VPS13B: variants seen among roughly 807,000 people sequenced by gnomAD.
VPS13B encodes intermembrane lipid transfer protein VPS13B.
Under a neutral mutation model 426.4 loss-of-function variants are expected in VPS13B, and 285 were observed. The ratio of observed to expected loss-of-function variants is 0.67; its 90% confidence interval spans 0.61 to 0.74. The LOEUF is 0.74. Among genes scored for constraint, VPS13B ranks in the 30% least tolerant of loss-of-function variants. The pLI is 0.00. For synonymous variants in VPS13B, 1,676 were observed against 1,676.4 expected, an observed-to-expected ratio of 1.00 and a Z score of 0.01; for missense variants, 4,537 against 4,782.6, an observed-to-expected ratio of 0.95 and a Z score of 1.51.
intron 24 of VPS13B, among the ~76,000 whole-genome samples, chr8:99,472,406 T>C (rs746613978): frequency 2.6e-5 from 4 of 151,764 alleles, no homozygotes; most frequent in African/African-American, 4.8e-5. Context: ...AATAATAAAA[T>C]AGCTAGAAAA....
intron 19 of VPS13B, among the ~76,000 whole-genome samples, chr8:99,352,413 T>C (rs1811939524): frequency 6.6e-6 from 1 of 152,194 alleles, no homozygotes; most frequent in African/African-American, 2.4e-5. Context: ...TGGTGATCTC[T>C]TATGTCATAA....
At chr8:99,471,796 T>C (rs952797026) in intron 24 of VPS13B, among the ~76,000 whole-genome samples, 5 of 152,152 alleles carry the variant, frequency 3.3e-5, no homozygotes, top group African/African-American at 7.2e-5. Flanking sequence ...ACCTGCAGAA[T>C]TGAATAACGG....
intron 17 of VPS13B, among the ~76,000 whole-genome samples, chr8:99,231,718 G>T (rs1029514730): frequency 7.9e-5 from 12 of 152,072 alleles, no homozygotes; most frequent in East Asian, 1.9e-4. Flanking sequence ...CAAGAGCAAG[G>T]TGCTGAGGCA....
At chr8:99,639,603 CTTAT>C (rs971918655) in intron 33 of VPS13B, among the ~76,000 whole-genome samples, 4 of 150,172 alleles carry the variant, frequency 2.7e-5, no homozygotes, top group East Asian at 3.9e-4. Context: ...ACTTTCTTGA[CTTAT>C]TTATTCTTAC....
chr8:99,610,290 C>T (rs547357657), intron 33 of VPS13B, among the ~76,000 whole-genome samples: 2 of 152,250 alleles, frequency 1.3e-5, no homozygotes, highest in East Asian at 3.9e-4. Context: ...CACATGCACA[C>T]ATATGTTCAT....
chr8:99,233,370 G>A, intron 17 of VPS13B: 17 of 1,068,380 alleles, frequency 1.6e-5, no homozygotes, highest in Non-Finnish European at 2.3e-5. Context: ...TTAGTTTCCC[G>A]AAGATCCGTC....
chr8:99,270,207 C>T (rs1388597153), intron 17 of VPS13B, among the ~76,000 whole-genome samples: 7 of 116,992 alleles, frequency 6.0e-5, no homozygotes, highest in Non-Finnish European at 9.9e-5. Flanking sequence ...GGTGTGATCT[C>T]GGCTCACTGC....
intron 17 of VPS13B, among the ~76,000 whole-genome samples, chr8:99,246,128 A>G (rs1817202923): frequency 6.6e-6 from 1 of 152,228 alleles, no homozygotes; most frequent in African/African-American, 2.4e-5. Flanking sequence ...CCAAAAATCA[A>G]TGGGTTCAAG....
intron 39 of VPS13B, among the ~76,000 whole-genome samples, chr8:99,730,325 A>G (rs1020294011): frequency 6.6e-6 from 1 of 152,208 alleles, no homozygotes; most frequent in African/African-American, 2.4e-5. Context: ...CTTAGGAAAT[A>G]AAGGAAAGGA....
rs1563495224 is a variant in VPS13B, at chr8:99,828,394, G to GCTTTTTTTTTTTTTTTTTTTTTT, written c.9331-3975_9331-3974insCTTTTTTTTTTTTTTTTTTTTTT. Among the ~76,000 whole-genome samples the GCTTTTTTTTTTTTTTTTTTTTTT allele has an allele frequency of 1.7e-4, 3 of 17,424 alleles. 1 individual carries two copies. Among genetic ancestry groups the GCTTTTTTTTTTTTTTTTTTTTTT allele is most frequent in the Non-Finnish European group, 1.0e-4 (1 of 9,574 alleles). 11.4% of individuals were successfully genotyped at this position (17,424 alleles called of 152,430 possible). ...ATCAGAGACTAGGATTACAACCACC[G>GCTTTTTTTTTTTTTTTTTTTTTT]TTTTTTTTTTTTTTTTTTTTTTTTT... On this transcript the variant is annotated intron_variant, in intron 51 of 61. Coordinates refer to ENST00000357162, the MANE Select transcript of VPS13B (RefSeq NM_152564.5).
At chr8:99,630,342 T>A (rs1828789614) in intron 33 of VPS13B, among the ~76,000 whole-genome samples, 1 of 152,166 alleles carries the variant, frequency 6.6e-6, no homozygotes, top group Admixed American at 6.6e-5. Flanking sequence ...TCTTTTTTCA[T>A]CTTTTGTGTC....
chr8:99,552,142 A>T (rs183367259), intron 30 of VPS13B, among the ~76,000 whole-genome samples: 173 of 152,044 alleles, frequency 1.1e-3, no homozygotes, highest in Non-Finnish European at 1.3e-3. Context: ...AGCTGGGCTT[A>T]ATCTGCTTGA....
At chr8:99,553,054 A>G (rs1843766) in intron 30 of VPS13B, among the ~76,000 whole-genome samples, 2,648 of 152,232 alleles carry the variant, frequency 0.017, 42 homozygotes, top group South Asian at 0.073. Context: ...ATTGTCTTCT[A>G]TTAAATAGAT....
intron 3 of VPS13B, among the ~76,000 whole-genome samples, chr8:99,044,612 G>T (rs193217643): frequency 6.6e-6 from 1 of 151,804 alleles, no homozygotes; most frequent in East Asian, 1.9e-4. Flanking sequence ...AGCAGTATAC[G>T]CTGTACCGAA....
intron 33 of VPS13B, chr8:99,614,143 C>A (rs1343012324): frequency 6.6e-6 from 1 of 152,036 alleles, no homozygotes; most frequent in African/African-American, 2.4e-5. Context: ...ATGACAAATT[C>A]AAGGGCAAAC....
intron 43 of VPS13B, among the ~76,000 whole-genome samples, chr8:99,784,813 A>C (rs565047260): frequency 1.2e-4 from 19 of 152,322 alleles, no homozygotes; most frequent in African/African-American, 4.3e-4. Flanking sequence ...GGATAAAAGT[A>C]GTACTTATTT....
In VPS13B at chr8:99,556,434, T is replaced by A; in HGVS notation, c.4746-16T>A. On this transcript the variant is annotated splice_polypyrimidine_tract_variant and intron_variant, in intron 30 of 61. Transcript: ENST00000357162. ...TTTTCTTGTTTTTATTTTTGTTTTT[T>A]TCGCTGCCTTTACAGGAGAGCCTTG... is the stretch of plus-strand genomic sequence containing the variant. 3.1e-6 allele frequency: 5 copies of A among 1,611,124 alleles called. No homozygotes were observed. Among genetic ancestry groups the A allele is most frequent in the Non-Finnish European group, 4.2e-6 (5 of 1,179,048 alleles).
At chr8:99,427,823 T>C (rs564615619) in intron 21 of VPS13B, among the ~76,000 whole-genome samples, 9 of 152,056 alleles carry the variant, frequency 5.9e-5, no homozygotes, top group African/African-American at 1.7e-4. Flanking sequence ...GAGCCCGCAT[T>C]GCCAAGTCAA....
intron 31 of VPS13B, among the ~76,000 whole-genome samples, chr8:99,568,799 G>T (rs1321795199): frequency 6.7e-6 from 1 of 148,458 alleles, no homozygotes; most frequent in Non-Finnish European, 1.5e-5. Flanking sequence ...ATAACCACAA[G>T]TTTTTTTTTG....
Sources: allele counts gnomAD v4.1 joint callset (sites outside exome capture counted in the v4.1 genomes callset), GRCh38; gene constraint gnomAD v4.1.1; transcripts MANE v1.5; gene names NCBI Gene and HGNC (gene_info 2026-07-23, HGNC 2026-07-21).